HERC4: variants seen among roughly 807,000 people sequenced by gnomAD.
The protein encoded by HERC4 is probable E3 ubiquitin-protein ligase HERC4.
In HERC4, 28 loss-of-function variants were observed where a neutral mutation model predicts 124.3. That is an observed-to-expected ratio of 0.23 (90% CI 0.17 to 0.31). The LOEUF (loss-of-function observed/expected upper bound fraction) is 0.31. Among genes scored for constraint, HERC4 ranks in the 10% least tolerant of loss-of-function variants. HERC4 has a pLI of 1.00. For synonymous variants in HERC4, 407 were observed against 421.5 expected (o/e 0.97, Z 0.42); for missense variants, 713 against 1,229.3 (o/e 0.58, Z 6.28).
Position 68,059,459 on chromosome 10 carries a change from AATAATATTATATATT to A in HERC4, c.226+13409_226+13423del, listed in dbSNP as rs1228978975. On this transcript the variant is annotated intron_variant, in intron 3 of 24. Coordinates refer to ENST00000373700, the MANE Select transcript of HERC4 (RefSeq NM_015601.4). Reference sequence around the variant, plus strand: ...CTATTATAATAATATTATATATTATAATAATATTATATATTATAATATTATATATTATAACATTAT... The same window carrying A: ...CTATTATAATAATATTATATATTATAATAATATTATATATTATAACATTAT... Among the ~76,000 whole-genome samples the A allele has an allele frequency of 1.5e-3, 127 of 83,182 alleles. No homozygotes were observed. In the East Asian group the frequency reaches 0.017, roughly 11 times the overall value. 54.6% of individuals were successfully genotyped at this position (83,182 alleles called of 152,430 possible).
chr10:68,066,115 T>A (rs977085185), intron 3 of HERC4, among the ~76,000 whole-genome samples: 3 of 152,180 alleles, frequency 2.0e-5, no homozygotes, highest in African/African-American at 7.2e-5. Context: ...AACATTTGAG[T>A]ACACCTCCTC....
At chr10:67,960,865 G>T in intron 16 of HERC4, 1 of 292,984 alleles carries the variant, frequency 3.4e-6, no homozygotes, top group Non-Finnish European at 6.5e-6. Context: ...ACAAGGACAA[G>T]CATGGAGAGG....
intron 19 of HERC4, among the ~76,000 whole-genome samples, chr10:67,944,586 C>T (rs989283201): frequency 1.3e-5 from 2 of 152,190 alleles, no homozygotes; most frequent in African/African-American, 4.8e-5. Flanking sequence ...CCCAGGAAAA[C>T]ATGACCTCAC....
Position 67,990,929 on chromosome 10 carries a change from G to A in HERC4, c.1418C>T (p.Pro473Leu). 2 of 1,605,630 alleles carry A rather than the reference G, an allele frequency of 1.2e-6. No individual in the cohort carries two copies. Among genetic ancestry groups the A allele is most frequent in the Non-Finnish European group, 1.7e-6 (2 of 1,174,218 alleles). ...ARLLFHKLIQPDHPQISQQVA... is the reference protein window; with the variant it reads ...ARLLFHKLIQLDHPQISQQVA... ...CTGCTGAGATATCTGCGGATGATCA[G>A]GTTGTATAAGTTTGTGGAATAAAAG... The change falls in exon 13 of 25, where the codon CCT becomes CTT. Residue 473 changes from proline to leucine, a missense_variant. Transcript: ENST00000373700.
intron 5 of HERC4, 118 bp downstream of exon 5, chr10:68,037,975 G>T: frequency 1.6e-6 from 1 of 614,030 alleles, no homozygotes; most frequent in Non-Finnish European, 2.9e-6. Flanking sequence ...GAAATGAAAA[G>T]GATCAAGAAC....
chr10:68,032,912 A>G, intron 6 of HERC4, 43 bp from the exon 7 acceptor site: 1 of 1,016,150 alleles, frequency 9.8e-7, no homozygotes. Flanking sequence ...TTTAAAAATC[A>G]AAACTCATCT....
At chr10:68,012,105 C>T (rs2037991263) in intron 9 of HERC4, among the ~76,000 whole-genome samples, 1 of 152,188 alleles carries the variant, frequency 6.6e-6, no homozygotes, top group African/African-American at 2.4e-5. Flanking sequence ...CCTTCAGAGA[C>T]TTGAAGAGAG....
At chr10:67,935,204 G>A (rs2032246073) in intron 22 of HERC4, among the ~76,000 whole-genome samples, 1 of 150,548 alleles carries the variant, frequency 6.6e-6, no homozygotes, top group Non-Finnish European at 1.5e-5. Context: ...GGAGCGCAGT[G>A]GCACAATCTC....
chr10:67,990,445 A>C, intron 13 of HERC4, 45 bp from the exon 14 acceptor site: 1 of 1,048,506 alleles, frequency 9.5e-7, no homozygotes, highest in Non-Finnish European at 1.3e-6. Context: ...TAAAATGAAT[A>C]CACTTTCAAA....
intron 3 of HERC4, among the ~76,000 whole-genome samples, chr10:68,059,522 A>C (rs1271904360): frequency 2.5e-5 from 2 of 80,664 alleles, no homozygotes; most frequent in Non-Finnish European, 4.8e-5. Context: ...TATATATCAT[A>C]ATAATATTAT....
At chr10:68,054,638 T>C (rs1290060414) in intron 3 of HERC4, among the ~76,000 whole-genome samples, 1 of 152,130 alleles carries the variant, frequency 6.6e-6, no homozygotes, top group Admixed American at 6.6e-5. Flanking sequence ...GACATATATC[T>C]GTCCCATTTT....
chr10:67,925,215 A>G (rs1405831217), intron 23 of HERC4, 28 bp from the exon 24 acceptor site: 1 of 1,266,552 alleles, frequency 7.9e-7, no homozygotes, highest in South Asian at 1.2e-5. Context: ...TTTTATTAGT[A>G]TTAAGGGACA....
At chr10:68,009,214 G>A (rs1249322818) in intron 9 of HERC4, among the ~76,000 whole-genome samples, 1 of 150,396 alleles carries the variant, frequency 6.6e-6, no homozygotes, top group Non-Finnish European at 1.5e-5. Flanking sequence ...GACAGAGCAA[G>A]ACTCTGTCTC....
At chr10:68,041,130 C>T (rs963864120) in intron 4 of HERC4, among the ~76,000 whole-genome samples, 1 of 127,108 alleles carries the variant, frequency 7.9e-6, no homozygotes, top group Non-Finnish European at 1.5e-5. Context: ...TTTCTGAAGA[C>T]AAAATTCCAA....
intron 9 of HERC4, among the ~76,000 whole-genome samples, chr10:67,999,163 G>T (rs2037081181): frequency 6.6e-6 from 1 of 152,112 alleles, no homozygotes; most frequent in African/African-American, 2.4e-5. Flanking sequence ...TGTATCTCAA[G>T]ATTTCGTTTT....
In HERC4 at chr10:67,989,796, T is replaced by C. The variant is rs956901104; in HGVS notation, c.1633+415A>G. 7.9e-5 allele frequency among the ~76,000 whole-genome samples: 12 copies of C among 152,032 alleles called. No individual in the cohort carries two copies. In the South Asian group the frequency reaches 2.3e-3, roughly 29 times the overall value. On this transcript the variant is annotated intron_variant, in intron 14 of 24. Coordinates refer to ENST00000373700, the MANE Select transcript of HERC4 (RefSeq NM_015601.4). ...GGCAGAAAAATAAAATCAAATATCA[T>C]GAAATTAGCAAGTGAAGGAAACACA...
chr10:68,052,082 G>C (rs535255307), intron 3 of HERC4, among the ~76,000 whole-genome samples: 40 of 152,130 alleles, frequency 2.6e-4, no homozygotes, highest in African/African-American at 8.7e-4. Flanking sequence ...AAAAAAAAGA[G>C]ACATTTAATT....
Position 68,036,821 on chromosome 10 carries a change from CTTA to C in HERC4, c.463+1269_463+1271del, listed in dbSNP as rs924823442. ...ACTTGCATCAAATACTAATCCCCTC[CTTA>C]TTATTACCAATTATATCAATTAGAA... On this transcript the variant is annotated intron_variant, in intron 5 of 24. Transcript: ENST00000373700. Among the ~76,000 whole-genome samples the C allele has an allele frequency of 7.2e-5, 11 of 152,046 alleles. 1 individual carries two copies. The East Asian group carries it at 9.6e-4, about 13-fold the overall frequency.
chr10:68,010,470 C>T lies in HERC4; in HGVS notation c.1069+3556G>A, dbSNP rs1230735496. The stretch of plus-strand genomic sequence containing the variant: ...CTGGCGCCAATTACAGAACCACACT[C>T]GGATCACATCCTTCTAGAGCCCAAG... On this transcript the variant is annotated intron_variant, in intron 9 of 24. Transcript: ENST00000373700. The T allele has an allele frequency of 2.5e-5, 23 of 930,816 alleles. 1 individual carries two copies. The highest frequency in any genetic ancestry group is 2.2e-4 in the South Asian group (16 of 71,478). 57.7% of individuals were successfully genotyped at this position (930,816 alleles called of 1,614,324 possible).
Sources: gnomAD v4.1 joint callset for allele counts (sites outside exome capture counted in the v4.1 genomes callset) on GRCh38, gnomAD v4.1.1 for gene constraint, MANE v1.5 for transcripts, NCBI Gene and HGNC (gene_info 2026-07-23, HGNC 2026-07-21) for gene names.